Variants in EIF4G3 observed in about 807,000 individuals in gnomAD.
EIF4G3 encodes the protein eukaryotic translation initiation factor 4 gamma 3, also known as eIF-4-gamma 3.
In EIF4G3, 34 loss-of-function variants were observed where a neutral mutation model predicts 186.4. The ratio of observed to expected loss-of-function variants is 0.18; its 90% confidence interval spans 0.14 to 0.24. The LOEUF (loss-of-function observed/expected upper bound fraction) is 0.24, where lower values mean the gene tolerates loss of function less well. Among genes scored for constraint, EIF4G3 ranks in the 10% least tolerant of loss-of-function variants. The pLI is 1.00. For missense variants in EIF4G3, 1,536 were observed against 1,948.5 expected, an observed-to-expected ratio of 0.79 and a Z score of 3.99; for synonymous variants, 673 against 679.5, an observed-to-expected ratio of 0.99 and a Z score of 0.15.
chr1:21,148,702 A>AC (rs1385125645), intron 2 of EIF4G3, among the ~76,000 whole-genome samples: 2 of 116,010 alleles, frequency 1.7e-5, no homozygotes, highest in Admixed American at 1.8e-4. Flanking sequence ...ACTCTGTCTC[A>AC]TTTAAAAAAA....
intron 2 of EIF4G3, among the ~76,000 whole-genome samples, chr1:21,142,260 G>T (rs923525822): frequency 6.6e-6 from 1 of 152,002 alleles, no homozygotes; most frequent in African/African-American, 2.4e-5. Flanking sequence ...AGCATTTTGG[G>T]AGGTTGCGGT....
chr1:20,967,603 A>C (rs2074980434), intron 12 of EIF4G3, among the ~76,000 whole-genome samples: 1 of 152,236 alleles, frequency 6.6e-6, no homozygotes, highest in African/African-American at 2.4e-5. Context: ...AAAGACTGAG[A>C]TAAATGTCAG....
chr1:20,927,016 TAG>T (rs1207626711), intron 14 of EIF4G3, among the ~76,000 whole-genome samples: 2 of 151,786 alleles, frequency 1.3e-5, no homozygotes, highest in African/African-American at 4.8e-5. Flanking sequence ...ACCTTGTGAA[TAG>T]AGTCATATTG....
intron 35 of EIF4G3, among the ~76,000 whole-genome samples, chr1:20,812,926 A>G (rs1181954094): frequency 6.6e-6 from 1 of 152,214 alleles, no homozygotes; most frequent in East Asian, 1.9e-4. Flanking sequence ...AAACAACCCA[A>G]GGAGCATGCA....
chr1:20,896,168 G>C (rs2087926611), intron 16 of EIF4G3, among the ~76,000 whole-genome samples: 1 of 151,988 alleles, frequency 6.6e-6, no homozygotes, highest in Non-Finnish European at 1.5e-5. Context: ...AGGATATAAA[G>C]AAACAAGGCC....
At chr1:20,976,658 T>C (rs1308155978) in intron 10 of EIF4G3, among the ~76,000 whole-genome samples, 1 of 151,976 alleles carries the variant, frequency 6.6e-6, no homozygotes, top group Non-Finnish European at 1.5e-5. Flanking sequence ...GCAGGAAGAG[T>C]ATCTTAACAC....
intron 14 of EIF4G3, among the ~76,000 whole-genome samples, chr1:20,909,698 T>A (rs529194044): frequency 6.6e-6 from 1 of 152,256 alleles, no homozygotes; most frequent in East Asian, 1.9e-4. Flanking sequence ...AACAAGAATT[T>A]AAGCTTTATA....
At chr1:21,048,761 C>A (rs1222463756) in intron 4 of EIF4G3, among the ~76,000 whole-genome samples, 1 of 152,188 alleles carries the variant, frequency 6.6e-6, no homozygotes, top group African/African-American at 2.4e-5. Flanking sequence ...TGAAATGGCA[C>A]CACTCCCATT....
chr1:21,170,085 G>T (rs2097925365), intron 2 of EIF4G3, among the ~76,000 whole-genome samples: 1 of 152,132 alleles, frequency 6.6e-6, no homozygotes, highest in Admixed American at 6.6e-5. Context: ...TGAGGCAGGA[G>T]AATCACTTGA....
intron 14 of EIF4G3, among the ~76,000 whole-genome samples, chr1:20,920,102 C>T (rs1346140485): frequency 6.6e-6 from 1 of 152,076 alleles, no homozygotes; most frequent in Non-Finnish European, 1.5e-5. Flanking sequence ...GACAGGGTTT[C>T]TCCATGTTGG....
At chr1:20,980,941 G>A (rs1029354961) in intron 9 of EIF4G3, 107 bp downstream of exon 9, 5 of 882,360 alleles carry the variant, frequency 5.7e-6, no homozygotes, top group African/African-American at 1.7e-5. Flanking sequence ...CAGTTCACAC[G>A]TCACCGAAAA....
intron 3 of EIF4G3, among the ~76,000 whole-genome samples, chr1:21,086,938 CAAAAAAAA>C (rs71014153): frequency 0.054 from 4,126 of 76,570 alleles, 89 homozygotes; most frequent in Non-Finnish European, 0.069. Context: ...GATTCCTTCT[CAAAAAAAA>C]AAAAAAAGAA....
chr1:21,021,851 C>A (rs776809377), intron 4 of EIF4G3, among the ~76,000 whole-genome samples: 3 of 152,058 alleles, frequency 2.0e-5, no homozygotes, highest in Non-Finnish European at 4.4e-5. Context: ...CCACCGTGCC[C>A]GGCTCTGACA....
intron 1 of EIF4G3, 116 bp downstream of exon 1, chr1:21,176,606 C>A: frequency 5.1e-6 from 1 of 194,752 alleles, no homozygotes. Flanking sequence ...GCCGCCGCCG[C>A]CGCCGGCAGC....
chr1:20,893,595 T>C lies in EIF4G3; in HGVS notation c.2175A>G (p.Arg725=), dbSNP rs1043482803. The part of the protein sequence containing the change: ...PKLPMRTLDP[R]ILPRGPDFTP... The stretch of plus-strand genomic sequence containing the variant: ...TAAAGTCTGGTCCTCGAGGCAAAAT[T>C]CGAGGATCCAGAGTTCGCATTGGCA... The change falls in exon 18 of 37, where the codon CGA becomes CGG. Residue 725 remains arginine (R), a synonymous_variant. Transcript: ENST00000602326. 6.3e-7 allele frequency: 1 copy of C among 1,589,816 alleles called. No homozygotes were observed. Among genetic ancestry groups the C allele is most frequent in the Non-Finnish European group, 8.6e-7 (1 of 1,162,000 alleles).
Position 20,864,488 on chromosome 1 carries a change from A to G in EIF4G3, c.2994T>C (p.Phe998=). The change falls in exon 22 of 37, where the codon TTT becomes TTC. Residue 998 remains phenylalanine (F), a synonymous_variant. Transcript: ENST00000602326. ...LLTTIGKDLD[F]EKAKPRMDQY... ...TTTGGATTTTTACCTTTGCTTTTTC[A>G]AAGTCCAAGTCTTTGCCAATGGTGG... The G allele has an allele frequency of 6.2e-7, 1 of 1,611,218 alleles. No homozygotes were observed.
intron 2 of EIF4G3, among the ~76,000 whole-genome samples, chr1:21,126,658 T>TAA (rs554090691): frequency 6.9e-6 from 1 of 145,260 alleles, no homozygotes. Flanking sequence ...TCAGACCCTT[T>TAA]AAAAAAAAAA....
At chr1:20,826,027 T>C (rs2063526472) in intron 32 of EIF4G3, among the ~76,000 whole-genome samples, 1 of 152,212 alleles carries the variant, frequency 6.6e-6, no homozygotes, top group Non-Finnish European at 1.5e-5. Flanking sequence ...GTCCAAGGCA[T>C]AGCTGAAAAT....
At chr1:20,905,284 A>G (rs2091740890) in intron 14 of EIF4G3, among the ~76,000 whole-genome samples, 1 of 152,202 alleles carries the variant, frequency 6.6e-6, no homozygotes, top group Non-Finnish European at 1.5e-5. Flanking sequence ...ATTCAGTTCT[A>G]GACCTGGGTC....
Sources: allele counts gnomAD v4.1 joint callset (sites outside exome capture counted in the v4.1 genomes callset), GRCh38; gene constraint gnomAD v4.1.1; transcripts MANE v1.5; gene names NCBI Gene and HGNC (gene_info 2026-07-23, HGNC 2026-07-21).